Variants in NRDC observed in about 807,000 individuals in gnomAD.
The protein encoded by NRDC is nardilysin convertase.
NRDC carries 54 observed loss-of-function variants against 147.1 expected under a neutral mutation model. The observed-to-expected ratio is 0.37, with a 90% CI of 0.29 to 0.46. The LOEUF (loss-of-function observed/expected upper bound fraction) is 0.46, where lower values mean the gene tolerates loss of function less well. Among genes scored for constraint, NRDC ranks in the 20% least tolerant of loss-of-function variants. The probability of loss-of-function intolerance (pLI) is 1.00; values close to 1 mark genes in which losing one functional copy is unlikely to be tolerated. For missense variants in NRDC, 1,082 were observed against 1,370.6 expected (o/e 0.79, Z 3.33); for synonymous variants, 440 against 482.1 (o/e 0.91, Z 1.14).
rs1679610038 is a variant in NRDC, at chr1:51,809,383, G to A, written c.1922C>T (p.Ala641Val). 2.5e-6 allele frequency: 4 copies of A among 1,612,498 alleles called. No individual in the cohort carries two copies. The highest frequency in any genetic ancestry group is 2.5e-6 in the Non-Finnish European group (3 of 1,178,756). Residue 641 changes from alanine (A) to valine (V), a missense_variant, in exon 17 of 31, where the codon GCT becomes GTT. Physicochemically the swap from Ala to Val is moderately conservative, Grantham distance 64. This residue lies in a region of NRDC where 635 missense variants were observed against 923.8 expected (regional missense o/e 0.69). Transcript: ENST00000352171. ...TTCGAAATTACTATTCCACAGTTCA[G>A]CCCAAGAGTTTTCAATATCTGTAAA... is the stretch of plus-strand genomic sequence containing the variant. Reference protein sequence around the residue: ...YSIEDIENSWAELWNSNFELN... With the variant: ...YSIEDIENSWVELWNSNFELN...
Position 51,878,445 on chromosome 1 carries a change from C to T in NRDC, c.171G>A (p.Lys57=). The T allele has an allele frequency of 6.2e-7, 1 of 1,614,124 alleles. No homozygotes were observed. The highest frequency in any genetic ancestry group is 1.3e-5 in the African/African-American group (1 of 75,062). ...ILAMPGRNKA[K]STCSCPDLQP... is the part of the protein sequence containing the mutation. ...GCAGGTCAGGGCAGCTGCAGGTAGA[C>T]TTCGCCTTGTTCCTTCCAGGCATGG... Residue 57 remains lysine, a synonymous_variant, in exon 1 of 31, where the codon AAG becomes AAA. Coordinates refer to ENST00000352171, the MANE Select transcript of NRDC (RefSeq NM_001101662.2).
In NRDC at chr1:51,792,027, G is replaced by A. The variant is rs752449734; in HGVS notation, c.2876+19C>T. ...CCTAGGCCCTTATTTGAGCTCAGTG[G>A]CCCTGCCAGCTGACTTACCCAAGGG... is the stretch of plus-strand genomic sequence containing the variant. On this transcript the variant is annotated intron_variant, in intron 26 of 30. Transcript: ENST00000352171. The A allele has an allele frequency of 3.1e-6, 5 of 1,613,850 alleles. No homozygotes were observed. Among genetic ancestry groups the A allele is most frequent in the Non-Finnish European group, 4.2e-6 (5 of 1,179,796 alleles).
chr1:51,866,598 C>T (rs1048356738), intron 1 of NRDC, among the ~76,000 whole-genome samples: 20 of 151,524 alleles, frequency 1.3e-4, no homozygotes, highest in South Asian at 6.2e-4. Flanking sequence ...TAGATAATAA[C>T]GATGTATTCA....
rs150079258 is a variant in NRDC at position 51,791,648 on chromosome 1, G to A, written c.2890C>T (p.Pro964Ser). The stretch of plus-strand genomic sequence containing the variant: ...ATCCCGGATGTGTTCCTACAGGTAG[G>A]GTAGACATGGTACCTACAAGCCAGA... ...TKQTLGYHVYPTCRNTSGILG... is the reference protein window; with the variant it reads ...TKQTLGYHVYSTCRNTSGILG... Residue 964 changes from proline (P) to serine (S), a missense_variant, in exon 27 of 31, where the codon CCT (proline) becomes TCT (serine). Pro to Ser is a moderately conservative substitution (Grantham distance 74). Transcript: ENST00000352171. 3 of 1,613,468 alleles carry A rather than the reference G, an allele frequency of 1.9e-6. No homozygotes were observed. The highest frequency in any genetic ancestry group is 2.5e-6 in the Non-Finnish European group (3 of 1,179,594).
intron 1 of NRDC, among the ~76,000 whole-genome samples, chr1:51,854,839 C>T (rs375278920): frequency 1.1e-4 from 17 of 152,194 alleles, no homozygotes; most frequent in African/African-American, 4.1e-4. Flanking sequence ...AATACCTTAA[C>T]ATGTCTCCAG....
intron 1 of NRDC, among the ~76,000 whole-genome samples, chr1:51,874,947 T>G (rs1683251290): frequency 6.6e-6 from 1 of 152,234 alleles, no homozygotes; most frequent in Non-Finnish European, 1.5e-5. Flanking sequence ...TGGGTCCTCC[T>G]CTGGTACTTA....
In NRDC at chr1:51,865,397, C is replaced by T. The variant is rs867627087; in HGVS notation, c.341+12878G>A. Among the ~76,000 whole-genome samples, 13 of 151,800 alleles carry T rather than the reference C, an allele frequency of 8.6e-5. No homozygotes were observed. The South Asian group carries it at 1.9e-3, about 22-fold the overall frequency. ...ATGGCTCATGCAACCTCCGCCTCCC[C>T]GGGTTCAAGCGATACTCCCACCTCA... On this transcript the variant is annotated intron_variant, in intron 1 of 30. Transcript: ENST00000352171.
intron 1 of NRDC, among the ~76,000 whole-genome samples, chr1:51,845,950 C>A (rs1349727685): frequency 3.3e-5 from 5 of 151,354 alleles, no homozygotes; most frequent in African/African-American, 7.3e-5. Flanking sequence ...CAAAATCTAA[C>A]ACCTAATTTA....
intron 2 of NRDC, chr1:51,837,509 C>T (rs1681045985): frequency 6.3e-7 from 1 of 1,591,014 alleles, no homozygotes; most frequent in African/African-American, 1.3e-5. Flanking sequence ...CCAACTACCC[C>T]ATAAAGATTT....
Position 51,821,565 on chromosome 1 carries a change from G to A in NRDC, c.1160-10C>T. 1 of 1,591,614 alleles carries A rather than the reference G, an allele frequency of 6.3e-7. No individual in the cohort carries two copies. Among genetic ancestry groups the A allele is most frequent in the Non-Finnish European group, 8.6e-7 (1 of 1,159,950 alleles). ...AAAGTATCCAGTGTTTCTTGAGAGGGGAGGGCAGGGAAGAGACAGGAAAAT... is the reference window on the plus strand; with the variant it reads ...AAAGTATCCAGTGTTTCTTGAGAGGAGAGGGCAGGGAAGAGACAGGAAAAT... On this transcript the variant is annotated splice_polypyrimidine_tract_variant and intron_variant, in intron 7 of 30. Transcript: ENST00000352171.
intron 1 of NRDC, among the ~76,000 whole-genome samples, chr1:51,848,608 A>G (rs1681777031): frequency 6.6e-6 from 1 of 152,260 alleles, no homozygotes; most frequent in Non-Finnish European, 1.5e-5. Context: ...TAATAAATAG[A>G]ATTCAGCAAA....
chr1:51,858,411 A>G (rs894503584), intron 1 of NRDC, among the ~76,000 whole-genome samples: 7 of 151,948 alleles, frequency 4.6e-5, no homozygotes, highest in African/African-American at 1.7e-4. Context: ...CCCAGGAGGT[A>G]AAGGCTGCAA....
intron 14 of NRDC, 64 bp downstream of exon 14, chr1:51,813,971 C>G (rs780017958): frequency 1.1e-5 from 12 of 1,045,508 alleles, no homozygotes; most frequent in East Asian, 4.8e-5. Context: ...AAAAGAGGAA[C>G]AATGTCTACA....
intron 20 of NRDC, among the ~76,000 whole-genome samples, 193 bp downstream of exon 20, chr1:51,803,621 A>T (rs1679316888): frequency 6.6e-6 from 1 of 152,252 alleles, no homozygotes; most frequent in Non-Finnish European, 1.5e-5. Flanking sequence ...ATGCACTGCC[A>T]GTAATTAATG....
intron 7 of NRDC, 63 bp downstream of exon 7, chr1:51,823,601 G>A: frequency 2.2e-6 from 3 of 1,385,928 alleles, no homozygotes; most frequent in Non-Finnish European, 3.0e-6. Flanking sequence ...CACTGATACA[G>A]GCAAACAAAT....
At chr1:51,817,074 CAG>C (rs1680002992) in intron 10 of NRDC, among the ~76,000 whole-genome samples, 1 of 151,998 alleles carries the variant, frequency 6.6e-6, no homozygotes, top group Admixed American at 6.6e-5. Context: ...CAAAGACATA[CAG>C]AAAAAAATTG....
rs759054404 is a variant in NRDC, at chr1:51,791,997, T to C, written c.2876+49A>G. 3.1e-6 allele frequency: 5 copies of C among 1,596,172 alleles called. No individual in the cohort carries two copies. The East Asian group carries it at 1.1e-4, about 36-fold the overall frequency. On this transcript the variant is annotated intron_variant, in intron 26 of 30. Coordinates refer to ENST00000352171, the MANE Select transcript of NRDC (RefSeq NM_001101662.2). ...GATATCTGATGAACAGCCTGCAAAG[T>C]AAGCCCTAGGCCCTTATTTGAGCTC...
At chr1:51,849,325 G>C (rs944437135) in intron 1 of NRDC, among the ~76,000 whole-genome samples, 1 of 151,960 alleles carries the variant, frequency 6.6e-6, no homozygotes, top group Non-Finnish European at 1.5e-5. Context: ...TGAGACAGGA[G>C]AATGGCGTGA....
chr1:51,833,851 G>A (rs1680826103), intron 4 of NRDC, among the ~76,000 whole-genome samples, 166 bp downstream of exon 4: 2 of 152,304 alleles, frequency 1.3e-5, no homozygotes, highest in South Asian at 2.1e-4. Flanking sequence ...CTGGCTTTAA[G>A]CGAGCCTTCT....
Sources: allele counts gnomAD v4.1 joint callset (sites outside exome capture counted in the v4.1 genomes callset), GRCh38; gene constraint gnomAD v4.1.1; regional missense constraint gnomAD v4.1.1; transcripts MANE v1.5; gene names NCBI Gene and HGNC (gene_info 2026-07-23, HGNC 2026-07-21).